Variants in ICOS observed in about 807,000 individuals in gnomAD.
The protein encoded by ICOS is inducible T-cell costimulator.
A neutral mutation model predicts 24.6 loss-of-function variants in ICOS; 15 were observed. The observed-to-expected ratio is 0.61, with a 90% confidence interval of 0.41 to 0.94. The LOEUF (loss-of-function observed/expected upper bound fraction) is 0.94. Ranked by LOEUF, ICOS falls within the 40% of genes least tolerant of loss-of-function variation. The pLI is 0.00. For missense variants in ICOS, 200 were observed against 233.0 expected (o/e 0.86, Z 0.92); for synonymous variants, 89 against 77.5 (o/e 1.15, Z -0.78).
chr2:203,957,946 A>G, intron 4 of ICOS, 63 bp downstream of exon 4: 1 of 1,010,576 alleles, frequency 9.9e-7, no homozygotes, highest in South Asian at 1.4e-5. Flanking sequence ...CTGGAATGTT[A>G]ATTTTTTTTT....
chr2:203,946,468 G>T (rs897456988), intron 1 of ICOS, among the ~76,000 whole-genome samples: 3 of 146,510 alleles, frequency 2.0e-5, no homozygotes, highest in East Asian at 4.0e-4. Flanking sequence ...AGGTTAGATT[G>T]GGTTTATCTT....
At chr2:203,958,467 G>A (rs1212748588) in intron 4 of ICOS, among the ~76,000 whole-genome samples, 1 of 152,206 alleles carries the variant, frequency 6.6e-6, no homozygotes, top group Non-Finnish European at 1.5e-5. Flanking sequence ...TCTGTTAAGA[G>A]TCAGAAAACT....
At chr2:203,952,908 T>G (rs73055993) in intron 1 of ICOS, among the ~76,000 whole-genome samples, 5,226 of 152,256 alleles carry the variant, frequency 0.034, 271 homozygotes, top group African/African-American at 0.12. Flanking sequence ...TTTTGTGATG[T>G]GTTTGCCATT....
intron 1 of ICOS, among the ~76,000 whole-genome samples, chr2:203,948,876 T>C (rs973929575): frequency 6.6e-6 from 1 of 152,110 alleles, no homozygotes; most frequent in African/African-American, 2.4e-5. Flanking sequence ...CTTTGTGTGT[T>C]TGAGGAACAG....
intron 1 of ICOS, among the ~76,000 whole-genome samples, chr2:203,945,739 T>C (rs1414669871): frequency 1.3e-5 from 2 of 152,206 alleles, no homozygotes; most frequent in Non-Finnish European, 2.9e-5. Flanking sequence ...CGCCACCATA[T>C]ATACAGTCCA....
intron 3 of ICOS, among the ~76,000 whole-genome samples, chr2:203,957,408 CTCAA>C (rs1325705277): frequency 1.3e-5 from 2 of 152,158 alleles, no homozygotes; most frequent in African/African-American, 4.8e-5. Flanking sequence ...ATTACAGGTT[CTCAA>C]TCAAAGAACT....
At chr2:203,938,581 T>C (rs1689707469) in intron 1 of ICOS, among the ~76,000 whole-genome samples, 1 of 152,232 alleles carries the variant, frequency 6.6e-6, no homozygotes. Flanking sequence ...AGAACGTTGG[T>C]ACCATTCGTG....
rs767815731 is a variant in ICOS, at chr2:203,936,874, T to C, written c.58+2T>C. The C allele has an allele frequency of 6.3e-7, 1 of 1,579,608 alleles. No individual in the cohort carries two copies. The highest frequency in any genetic ancestry group is 8.7e-7 in the Non-Finnish European group (1 of 1,149,598). ...GCTTGCGCATTAAAGTTTTAACAGG[T>C]AAGTGGTGTATTGAATATTTCTTAT... On this transcript the variant is annotated splice_donor_variant, in intron 1 of 4. Transcript: ENST00000316386. LOFTEE classifies it high-confidence loss of function.
chr2:203,952,322 C>CT (rs1690000070), intron 1 of ICOS, among the ~76,000 whole-genome samples: 1 of 152,212 alleles, frequency 6.6e-6, no homozygotes, highest in East Asian at 1.9e-4. Flanking sequence ...TATACCTTCA[C>CT]TATCTTTCTA....
At chr2:203,954,502 A>T (rs6728120) in intron 1 of ICOS, among the ~76,000 whole-genome samples, 68,596 of 151,762 alleles carry the variant, frequency 0.45, 15,789 homozygotes, top group South Asian at 0.49. Flanking sequence ...GGCAGGAGGG[A>T]CCCTTGAGTC....
chr2:203,950,354 C>T (rs1372518039), intron 1 of ICOS, among the ~76,000 whole-genome samples: 1 of 152,180 alleles, frequency 6.6e-6, no homozygotes, highest in African/African-American at 2.4e-5. Flanking sequence ...CATACTAACT[C>T]TCATGATAAT....
At chr2:203,955,492 T>G in intron 1 of ICOS, 144 bp from the exon 2 acceptor site, 1 of 686,314 alleles carries the variant, frequency 1.5e-6, no homozygotes. Flanking sequence ...CCTTGAGGGG[T>G]GGAGGGAGAA....
intron 1 of ICOS, among the ~76,000 whole-genome samples, chr2:203,948,233 A>G (rs942311534): frequency 4.6e-5 from 7 of 152,190 alleles, no homozygotes; most frequent in African/African-American, 1.7e-4. Flanking sequence ...ATGATTGTGT[A>G]TCTTCATACA....
intron 1 of ICOS, among the ~76,000 whole-genome samples, chr2:203,949,908 G>A (rs1469390120): frequency 6.6e-6 from 1 of 152,204 alleles, no homozygotes; most frequent in African/African-American, 2.4e-5. Flanking sequence ...ATCCAAGAAG[G>A]ATGGAGAAAA....
chr2:203,942,175 C>T (rs1689789097), intron 1 of ICOS, among the ~76,000 whole-genome samples: 1 of 152,026 alleles, frequency 6.6e-6, no homozygotes, highest in Non-Finnish European at 1.5e-5. Context: ...ATTTTTTTTA[C>T]AGCCTGTATT....
At chr2:203,954,052 T>C (rs906132827) in intron 1 of ICOS, among the ~76,000 whole-genome samples, 1 of 152,096 alleles carries the variant, frequency 6.6e-6, no homozygotes, top group African/African-American at 2.4e-5. Context: ...TTTCAAAACT[T>C]AGGAAAAAAC....
At chr2:203,937,414 A>G (rs1206855098) in intron 1 of ICOS, among the ~76,000 whole-genome samples, 5 of 152,192 alleles carry the variant, frequency 3.3e-5, no homozygotes, top group African/African-American at 1.2e-4. Context: ...GGAAAGGATA[A>G]TGTAAAAATA....
rs11571313 is a variant in ICOS at position 203,956,882 on chromosome 2, C to T, written c.501+117C>T. ...TAATTTGACCAACAGGGAGACAATT[C>T]CTTCCCCCCAAGACATACCTACTAA... On this transcript the variant is annotated intron_variant, in intron 3 of 4. Coordinates refer to ENST00000316386, the MANE Select transcript of ICOS (RefSeq NM_012092.4). 61,667 of 735,660 alleles carry T rather than the reference C, an allele frequency of 0.084. 2,986 individuals are homozygous for T. The highest frequency in any genetic ancestry group is 0.094 in the Non-Finnish European group (38,572 of 409,554). 45.6% of individuals were successfully genotyped at this position (735,660 alleles called of 1,614,324 possible). A position where few individuals can be genotyped will look rare whatever the true frequency, so the allele number is the denominator to read the frequency against.
intron 4 of ICOS, among the ~76,000 whole-genome samples, chr2:203,958,959 AG>A (rs1311062451): frequency 1.3e-5 from 2 of 152,128 alleles, no homozygotes. Context: ...AGAAGGGGTG[AG>A]GGGGCAGGGA....
Sources: gnomAD v4.1 joint callset for allele counts (sites outside exome capture counted in the v4.1 genomes callset) on GRCh38, gnomAD v4.1.1 for gene constraint, MANE v1.5 for transcripts, NCBI Gene and HGNC (gene_info 2026-07-23, HGNC 2026-07-21) for gene names.